AUTS2: variants seen among roughly 807,000 people sequenced by gnomAD.
AUTS2 encodes activator of transcription and developmental regulator AUTS2, also known as autism susceptibility gene 2 protein.
Under a neutral mutation model 112.4 loss-of-function variants are expected in AUTS2, and 17 were observed. That is an observed-to-expected ratio of 0.15 (90% confidence interval 0.10 to 0.23). AUTS2 has a LOEUF of 0.23. Ranked by LOEUF, AUTS2 falls within the 10% of genes least tolerant of loss-of-function variation. The pLI is 1.00. For missense variants in AUTS2, 1,510 were observed against 1,701.6 expected, an observed-to-expected ratio of 0.89 and a Z score of 1.98; for synonymous variants, 751 against 702.7, an observed-to-expected ratio of 1.07 and a Z score of -1.09.
chr7:70,345,174 G>A (rs371690800), intron 4 of AUTS2, among the ~76,000 whole-genome samples: 20 of 152,126 alleles, frequency 1.3e-4, no homozygotes, highest in East Asian at 3.9e-4. Context: ...AGACTTAGCC[G>A]GCATTTATTG....
chr7:70,034,360 C>T (rs1457035464), intron 2 of AUTS2, among the ~76,000 whole-genome samples: 2 of 152,058 alleles, frequency 1.3e-5, no homozygotes, highest in Non-Finnish European at 2.9e-5. Flanking sequence ...GAGAGGATGG[C>T]ACAAGGATCA....
At chr7:69,740,523 C>CTT (rs11433491) in intron 1 of AUTS2, among the ~76,000 whole-genome samples, 34 of 150,242 alleles carry the variant, frequency 2.3e-4, no homozygotes, top group East Asian at 1.2e-3. Flanking sequence ...TCAGAAATGT[C>CTT]TTTTTTTTTT....
chr7:70,000,203 A>G (rs1183325057), intron 2 of AUTS2, among the ~76,000 whole-genome samples: 2 of 152,204 alleles, frequency 1.3e-5, no homozygotes, highest in South Asian at 2.1e-4. Context: ...TCAGTCCGAT[A>G]CAGTCAGGGA....
intron 6 of AUTS2, among the ~76,000 whole-genome samples, chr7:70,724,734 C>T (rs565803138): frequency 6.6e-5 from 10 of 152,224 alleles, no homozygotes; most frequent in South Asian, 4.1e-4. Context: ...CGTGAGCCAC[C>T]GCGCCCGGCC....
chr7:70,377,875 A>G (rs1002111573), intron 4 of AUTS2, among the ~76,000 whole-genome samples: 2 of 146,706 alleles, frequency 1.4e-5, no homozygotes, highest in African/African-American at 5.1e-5. Flanking sequence ...GGTTCATGCC[A>G]TTCTCCTGCC....
At chr7:70,513,137 CA>C (rs1436132139) in intron 5 of AUTS2, among the ~76,000 whole-genome samples, 1 of 152,220 alleles carries the variant, frequency 6.6e-6, no homozygotes, top group Non-Finnish European at 1.5e-5. Context: ...GCCTTATTAT[CA>C]CATGTTATGT....
chr7:70,022,989 C>T (rs1452737070), intron 2 of AUTS2, among the ~76,000 whole-genome samples: 1 of 152,038 alleles, frequency 6.6e-6, no homozygotes, highest in Non-Finnish European at 1.5e-5. Flanking sequence ...ATAGCTGGAA[C>T]TACAGGCACA....
intron 4 of AUTS2, among the ~76,000 whole-genome samples, chr7:70,275,249 A>G (rs980022292): frequency 1.9e-4 from 29 of 152,328 alleles, no homozygotes; most frequent in African/African-American, 5.8e-4. Flanking sequence ...ACAGTCTGCA[A>G]TACGAATGAA....
chr7:69,867,948 T>G (rs567225661), intron 1 of AUTS2, among the ~76,000 whole-genome samples: 2 of 152,104 alleles, frequency 1.3e-5, no homozygotes, highest in Non-Finnish European at 2.9e-5. Flanking sequence ...TGAGAATACT[T>G]ACTCTAAAAA....
intron 14 of AUTS2, among the ~76,000 whole-genome samples, chr7:70,779,595 C>T (rs1022303628): frequency 3.3e-5 from 5 of 152,310 alleles, no homozygotes; most frequent in Admixed American, 6.5e-5. Context: ...CAGATCCTCA[C>T]GCCATGCTCT....
At chr7:69,710,292 G>A (rs1040728103) in intron 1 of AUTS2, among the ~76,000 whole-genome samples, 29 of 152,162 alleles carry the variant, frequency 1.9e-4, no homozygotes, top group Admixed American at 3.3e-4. Flanking sequence ...GTATACCACA[G>A]GTTGTTGGCT....
chr7:70,109,753 G>A (rs532112993), intron 2 of AUTS2, among the ~76,000 whole-genome samples: 5 of 152,258 alleles, frequency 3.3e-5, no homozygotes, highest in Admixed American at 2.0e-4. Flanking sequence ...ATTCTGAAAG[G>A]GAGGAGGTTA....
At chr7:70,224,343 A>G (rs1180564102) in intron 4 of AUTS2, among the ~76,000 whole-genome samples, 95 of 69,062 alleles carry the variant, frequency 1.4e-3, no homozygotes, top group African/African-American at 7.3e-3. Context: ...ACAATACAAT[A>G]CAATACAATA....
intron 2 of AUTS2, among the ~76,000 whole-genome samples, chr7:70,095,811 G>T (rs536717228): frequency 6.6e-6 from 1 of 152,202 alleles, no homozygotes; most frequent in South Asian, 2.1e-4. Context: ...TCAGTGGTTT[G>T]CCATTTACGA....
intron 4 of AUTS2, among the ~76,000 whole-genome samples, chr7:70,160,195 A>G (rs1807999391): frequency 6.6e-6 from 1 of 152,156 alleles, no homozygotes; most frequent in South Asian, 2.1e-4. Flanking sequence ...TTAATAGAGT[A>G]TGTTATAGTA....
intron 4 of AUTS2, among the ~76,000 whole-genome samples, chr7:70,295,947 A>G (rs1788913888): frequency 6.6e-6 from 1 of 152,144 alleles, no homozygotes; most frequent in Non-Finnish European, 1.5e-5. Context: ...CTGTCTGTCA[A>G]TCTGTATACA....
chr7:69,851,140 A>G lies in AUTS2; in HGVS notation c.310-48146A>G, dbSNP rs546498053. On this transcript the variant is annotated intron_variant, in intron 1 of 18. Coordinates refer to ENST00000342771, the MANE Select transcript of AUTS2 (RefSeq NM_015570.4). Reference sequence around the variant, plus strand: ...TTGAATTGCTTTTGGATCGTTGTCAAATATCAGTTGGCCATAGTTTTGTGG... The same window carrying G: ...TTGAATTGCTTTTGGATCGTTGTCAGATATCAGTTGGCCATAGTTTTGTGG... Among the ~76,000 whole-genome samples, 6 of 152,282 alleles carry G rather than the reference A, an allele frequency of 3.9e-5. No individual in the cohort carries two copies. The South Asian group carries it at 1.2e-3, about 32-fold the overall frequency.
chr7:70,076,496 C>A (rs1022967362), intron 2 of AUTS2, among the ~76,000 whole-genome samples: 1 of 152,146 alleles, frequency 6.6e-6, no homozygotes, highest in African/African-American at 2.4e-5. Flanking sequence ...TAAGTGAGGA[C>A]TTACTGTAGT....
chr7:70,355,175 C>T (rs192689936), intron 4 of AUTS2, among the ~76,000 whole-genome samples: 3 of 151,742 alleles, frequency 2.0e-5, no homozygotes, highest in Admixed American at 6.6e-5. Flanking sequence ...AACGAGTTTC[C>T]GATCCTAAAC....
Sources: gnomAD v4.1 joint callset for allele counts (sites outside exome capture counted in the v4.1 genomes callset) on GRCh38, gnomAD v4.1.1 for gene constraint, MANE v1.5 for transcripts, NCBI Gene and HGNC (gene_info 2026-07-23, HGNC 2026-07-21) for gene names.